ZFHX3: variants seen among roughly 807,000 people sequenced by gnomAD.
ZFHX3 encodes the protein zinc finger homeobox protein 3.
A neutral mutation model predicts 279.1 loss-of-function variants in ZFHX3; 42 were observed. The ratio of observed to expected loss-of-function variants is 0.15; its 90% CI spans 0.12 to 0.19. The LOEUF (loss-of-function observed/expected upper bound fraction) is 0.19, where lower values mean the gene tolerates loss of function less well. Ranked by LOEUF, ZFHX3 falls within the 10% of genes least tolerant of loss-of-function variation. The probability of loss-of-function intolerance (pLI) is 1.00; values close to 1 mark genes in which losing one functional copy is unlikely to be tolerated. For synonymous variants in ZFHX3, 2,293 were observed against 1,957.8 expected (o/e 1.17, Z -4.52); for missense variants, 4,981 against 4,754.0 (o/e 1.05, Z -1.40).
chr16:73,603,477 G>C (rs149324207), intron 2 of ZFHX3, among the ~76,000 whole-genome samples: 17 of 152,134 alleles, frequency 1.1e-4, no homozygotes, highest in Admixed American at 7.2e-4. Flanking sequence ...TTAAAAATAC[G>C]AGAATACTGA....
intron 3 of ZFHX3, among the ~76,000 whole-genome samples, chr16:72,890,753 G>A (rs912712505): frequency 4.6e-5 from 7 of 152,172 alleles, no homozygotes; most frequent in Non-Finnish European, 7.3e-5. Context: ...TATGGCCCAC[G>A]GGCCAAATTC....
chr16:73,845,402 T>TGG (rs1961423398), intron 1 of ZFHX3, among the ~76,000 whole-genome samples: 1 of 152,166 alleles, frequency 6.6e-6, no homozygotes, highest in South Asian at 2.1e-4. Context: ...CCTTCCTTCC[T>TGG]GGGTGGTGAG....
At chr16:73,436,147 C>A (rs775897407) in intron 3 of ZFHX3, among the ~76,000 whole-genome samples, 3 of 152,136 alleles carry the variant, frequency 2.0e-5, no homozygotes, top group Non-Finnish European at 2.9e-5. Flanking sequence ...CTGACCAACA[C>A]GGAGAAACCC....
At chr16:73,360,715 C>T (rs1009960040) in intron 3 of ZFHX3, among the ~76,000 whole-genome samples, 12 of 152,188 alleles carry the variant, frequency 7.9e-5, no homozygotes, top group Admixed American at 7.9e-4. Context: ...ACAGTTTTAA[C>T]ATAAGACTGC....
intron 4 of ZFHX3, among the ~76,000 whole-genome samples, chr16:72,854,362 T>C (rs1012128332): frequency 2.0e-5 from 3 of 152,094 alleles, no homozygotes; most frequent in Non-Finnish European, 4.4e-5. Flanking sequence ...TGTGTGCGAG[T>C]CTCTCCCTGC....
chr16:73,635,487 G>A (rs936609001), intron 2 of ZFHX3, among the ~76,000 whole-genome samples: 2 of 152,236 alleles, frequency 1.3e-5, no homozygotes, highest in Non-Finnish European at 2.9e-5. Context: ...TTTTGTGAGG[G>A]GAGCTGATGT....
chr16:73,247,740 G>A (rs2013340074), intron 5 of ZFHX3, among the ~76,000 whole-genome samples: 1 of 152,036 alleles, frequency 6.6e-6, no homozygotes, highest in Non-Finnish European at 1.5e-5. Context: ...CTATGTGCCT[G>A]TATGCGGAGT....
upstream of ZFHX3, among the ~76,000 whole-genome samples, chr16:73,050,471 G>C (rs1965429511): frequency 6.6e-6 from 1 of 152,206 alleles, no homozygotes; most frequent in Non-Finnish European, 1.5e-5. Context: ...ACAGGCAGGT[G>C]ATCTATGGCC....
chr16:73,558,959 C>T (rs1249847244), intron 2 of ZFHX3, among the ~76,000 whole-genome samples: 1 of 151,896 alleles, frequency 6.6e-6, no homozygotes, highest in Non-Finnish European at 1.5e-5. Flanking sequence ...AAGTGATCTG[C>T]CCGCCTCAGC....
At chr16:73,181,433 G>A (rs1967794679) in intron 5 of ZFHX3, among the ~76,000 whole-genome samples, 1 of 152,146 alleles carries the variant, frequency 6.6e-6, no homozygotes, top group African/African-American at 2.4e-5. Flanking sequence ...CTTCTTGCCA[G>A]CTCTGTCTGT....
At chr16:73,566,688 C>CTT (rs35009584) in intron 2 of ZFHX3, among the ~76,000 whole-genome samples, 97 of 119,976 alleles carry the variant, frequency 8.1e-4, no homozygotes, top group African/African-American at 2.8e-3. Context: ...ACCAAGCTAA[C>CTT]TTTTTTTTTT....
chr16:72,875,427 C>G (rs1402895348), intron 4 of ZFHX3, among the ~76,000 whole-genome samples: 4 of 152,356 alleles, frequency 2.6e-5, no homozygotes, highest in African/African-American at 9.6e-5. Flanking sequence ...GCCCAGATGC[C>G]CCGGGAATCC....
rs71374573 is a variant in ZFHX3 at position 73,580,492 on chromosome 16, AAAAC to A, written c.-1547+99684_-1547+99687del. ...ACTCCGTCTCAAAAAAACAAAAACA[AAAAC>A]AAACAAACAAACAAAAAAAAAAAAA... On this transcript the variant is annotated intron_variant, in intron 2 of 17. Transcript: ENST00000641206. Among the ~76,000 whole-genome samples the A allele has an allele frequency of 1.6e-3, 239 of 145,278 alleles. 1 individual carries two copies. The highest frequency in any genetic ancestry group is 6.7e-3 in the South Asian group (31 of 4,656).
intron 1 of ZFHX3, among the ~76,000 whole-genome samples, chr16:73,824,573 C>T (rs1022434932): frequency 1.9e-5 from 2 of 107,000 alleles, no homozygotes; most frequent in African/African-American, 7.3e-5. Context: ...CACCACAGTC[C>T]CCAGAGTGTG....
At chr16:73,651,584 T>TC (rs1254840895) in intron 2 of ZFHX3, among the ~76,000 whole-genome samples, 37 of 147,564 alleles carry the variant, frequency 2.5e-4, no homozygotes, top group African/African-American at 9.0e-4. Flanking sequence ...ACGCCTGTAA[T>TC]CCACTACTTT....
chr16:73,717,476 C>A (rs556244601), intron 1 of ZFHX3, among the ~76,000 whole-genome samples: 1 of 152,154 alleles, frequency 6.6e-6, no homozygotes, highest in Non-Finnish European at 1.5e-5. Flanking sequence ...TGTAAATATA[C>A]CTAACCTCAA....
At chr16:73,681,241 T>A (rs2053006924) in intron 1 of ZFHX3, among the ~76,000 whole-genome samples, 1 of 152,208 alleles carries the variant, frequency 6.6e-6, no homozygotes, top group African/African-American at 2.4e-5. Flanking sequence ...GGCATTTTAA[T>A]AGGTGACAAT....
intron 1 of ZFHX3, among the ~76,000 whole-genome samples, chr16:73,797,743 A>G (rs77945770): frequency 1.3e-5 from 2 of 151,944 alleles, no homozygotes; most frequent in Non-Finnish European, 2.9e-5. Context: ...TCGTCTAAAA[A>G]TTAGAATAAT....
At chr16:73,248,312 T>G (rs1483845075) in intron 5 of ZFHX3, among the ~76,000 whole-genome samples, 1 of 151,920 alleles carries the variant, frequency 6.6e-6, no homozygotes. Flanking sequence ...TATGTGTGTG[T>G]GTATAAGGGC....
Sources: allele counts gnomAD v4.1 joint callset (sites outside exome capture counted in the v4.1 genomes callset), GRCh38; gene constraint gnomAD v4.1.1; transcripts MANE v1.5; gene names NCBI Gene and HGNC (gene_info 2026-07-23, HGNC 2026-07-21).